Variants in ADAMTSL1 observed in about 807,000 individuals in gnomAD.
The protein encoded by ADAMTSL1 is ADAMTS like 1.
In ADAMTSL1, 126 loss-of-function variants were observed where a neutral mutation model predicts 201.8. The observed-to-expected ratio is 0.62, with a 90% CI of 0.54 to 0.72. The LOEUF (loss-of-function observed/expected upper bound fraction) is 0.72. ADAMTSL1 is among the 30% of genes least tolerant of loss of function. ADAMTSL1 has a pLI of 0.00. For missense variants in ADAMTSL1, 2,679 were observed against 2,277.8 expected (o/e 1.18, Z -3.59); for synonymous variants, 1,121 against 903.4 (o/e 1.24, Z -4.32).
At chr9:17,913,698 A>G (rs1825977358) in intron 1 of ADAMTSL1, among the ~76,000 whole-genome samples, 1 of 152,234 alleles carries the variant, frequency 6.6e-6, no homozygotes, top group Non-Finnish European at 1.5e-5. Flanking sequence ...AAATAGACAC[A>G]CAAAAAACCC....
Position 18,509,522 on chromosome 9 carries a change from AC to A in ADAMTSL1, c.191+4567del, listed in dbSNP as rs534927608. ...CTGATGGACTTTGATGGTCTTGATC[AC>A]ATATCTAGGGTTGGCTGGATGTTGG... On this transcript the variant is annotated intron_variant, in intron 2 of 28. Transcript: ENST00000380548. Among the ~76,000 whole-genome samples the A allele has an allele frequency of 5.9e-5, 9 of 152,352 alleles. No individual in the cohort carries two copies. In the South Asian group the frequency reaches 1.7e-3, roughly 28 times the overall value.
intron 26 of ADAMTSL1, among the ~76,000 whole-genome samples, chr9:18,898,022 CAAA>C (rs34613156): frequency 5.6e-5 from 8 of 141,642 alleles, no homozygotes; most frequent in South Asian, 2.3e-4. Flanking sequence ...CTAAAAATAT[CAAA>C]AAAAAAAAAA....
In ADAMTSL1 at chr9:18,753,384, C is replaced by T. The variant is rs1819569758; in HGVS notation, c.2093C>T (p.Ser698Phe). 1.2e-6 allele frequency: 2 copies of T among 1,612,784 alleles called. No homozygotes were observed. Among genetic ancestry groups the T allele is most frequent in the Non-Finnish European group, 1.7e-6 (2 of 1,179,480 alleles). ...TRDVFCSHLL[S>F]REMNETVILA... Reference sequence around the variant, plus strand: ...GACGTCTTCTGCAGCCACCTGCTTTCCAGAGAGATGAATGAAACAGTCATC... The same window carrying T: ...GACGTCTTCTGCAGCCACCTGCTTTTCAGAGAGATGAATGAAACAGTCATC... The change falls in exon 16 of 29, where the codon TCC becomes TTC. Residue 698 changes from serine (S) to phenylalanine (F), a missense_variant. Transcript: ENST00000380548.
chr9:18,232,786 A>T (rs528688438), intron 2 of ADAMTSL1, among the ~76,000 whole-genome samples: 9 of 152,310 alleles, frequency 5.9e-5, no homozygotes, highest in South Asian at 2.1e-4. Flanking sequence ...TGGCACCTTT[A>T]TATAGAAAAG....
chr9:18,676,491 A>G (rs113458206), intron 10 of ADAMTSL1, among the ~76,000 whole-genome samples: 4,081 of 152,210 alleles, frequency 0.027, 73 homozygotes, highest in Middle Eastern at 0.048. Flanking sequence ...TTTAAAGTAC[A>G]GTACTTTTGA....
intron 2 of ADAMTSL1, among the ~76,000 whole-genome samples, chr9:18,451,825 G>A (rs751369466): frequency 6.6e-6 from 1 of 152,230 alleles, no homozygotes; most frequent in African/African-American, 2.4e-5. Flanking sequence ...AGACTGAAGG[G>A]CCCACATCTG....
intron 15 of ADAMTSL1, among the ~76,000 whole-genome samples, chr9:18,726,100 C>G (rs1011874463): frequency 9.9e-5 from 15 of 152,194 alleles, no homozygotes; most frequent in Admixed American, 9.8e-4. Context: ...ATTATCTTCT[C>G]CTTTCTTTTC....
At chr9:18,634,926 TAAA>T (rs1257575204) in intron 5 of ADAMTSL1, among the ~76,000 whole-genome samples, 6 of 144,666 alleles carry the variant, frequency 4.1e-5, no homozygotes, top group Non-Finnish European at 7.5e-5. Flanking sequence ...ATATATTAAA[TAAA>T]AAAGATAAGT....
chr9:18,844,582 C>T (rs1014878529), intron 23 of ADAMTSL1, among the ~76,000 whole-genome samples: 20 of 152,224 alleles, frequency 1.3e-4, no homozygotes, highest in African/African-American at 2.4e-4. Context: ...CAGACAGGGA[C>T]ACTTAAGTCT....
At chr9:18,065,907 G>T (rs555312715) in intron 1 of ADAMTSL1, among the ~76,000 whole-genome samples, 1 of 149,590 alleles carries the variant, frequency 6.7e-6, no homozygotes, top group African/African-American at 2.5e-5. Flanking sequence ...CTTGAACCTG[G>T]GAGGCGGAGG....
At chr9:18,301,645 G>A (rs1258450985) in intron 2 of ADAMTSL1, among the ~76,000 whole-genome samples, 5 of 151,940 alleles carry the variant, frequency 3.3e-5, no homozygotes, top group South Asian at 2.1e-4. Flanking sequence ...GCCTATTTTC[G>A]GGCTCCAGCT....
At chr9:18,109,265 T>C (rs1375936879) in intron 1 of ADAMTSL1, among the ~76,000 whole-genome samples, 1 of 152,076 alleles carries the variant, frequency 6.6e-6, no homozygotes, top group African/African-American at 2.4e-5. Flanking sequence ...CCTTCCTCAT[T>C]GTAAGGAGAC....
chr9:18,527,238 A>G (rs1469356226), intron 2 of ADAMTSL1, among the ~76,000 whole-genome samples: 1 of 152,242 alleles, frequency 6.6e-6, no homozygotes, highest in Non-Finnish European at 1.5e-5. Context: ...ACAGTAACCC[A>G]TTCTTGCTTA....
At chr9:18,678,624 G>C (rs1299953584) in intron 10 of ADAMTSL1, among the ~76,000 whole-genome samples, 1 of 152,110 alleles carries the variant, frequency 6.6e-6, no homozygotes, top group African/African-American at 2.4e-5. Flanking sequence ...CTTTAGTAGG[G>C]TCAAGCTTAA....
intron 23 of ADAMTSL1, among the ~76,000 whole-genome samples, chr9:18,845,015 C>T (rs534242482): frequency 3.1e-4 from 47 of 152,368 alleles, no homozygotes; most frequent in African/African-American, 1.1e-3. Flanking sequence ...CCTCGCCCTG[C>T]TTCGGCTCAT....
chr9:18,212,391 G>A (rs866445349), intron 2 of ADAMTSL1, among the ~76,000 whole-genome samples: 2 of 152,124 alleles, frequency 1.3e-5, no homozygotes, highest in Admixed American at 6.6e-5. Flanking sequence ...AAAGGCTTAG[G>A]ATAGATTATG....
intron 23 of ADAMTSL1, among the ~76,000 whole-genome samples, chr9:18,843,720 G>T (rs1825887525): frequency 6.6e-6 from 1 of 150,874 alleles, no homozygotes. Flanking sequence ...ATTTCTTGGA[G>T]GCTTTGTTCA....
At chr9:18,393,729 AAGAG>A (rs756114616) in intron 2 of ADAMTSL1, among the ~76,000 whole-genome samples, 1 of 152,164 alleles carries the variant, frequency 6.6e-6, no homozygotes, top group Non-Finnish European at 1.5e-5. Flanking sequence ...CCTTACTTTT[AAGAG>A]AGAACATAGA....
At chr9:17,991,835 A>G (rs547870074) in intron 1 of ADAMTSL1, among the ~76,000 whole-genome samples, 4 of 152,214 alleles carry the variant, frequency 2.6e-5, no homozygotes, top group Non-Finnish European at 4.4e-5. Context: ...GATTCAGCCA[A>G]CTCATGAGGA....
Sources: gnomAD v4.1 joint callset for allele counts (sites outside exome capture counted in the v4.1 genomes callset) on GRCh38, gnomAD v4.1.1 for gene constraint, MANE v1.5 for transcripts, NCBI Gene and HGNC (gene_info 2026-07-23, HGNC 2026-07-21) for gene names.